The following GSN variants were observed in gnomAD, a reference collection of about 807,000 sequenced individuals.
The protein encoded by GSN is gelsolin.
In GSN, 56 loss-of-function variants were observed where a neutral mutation model predicts 85.7. The observed-to-expected ratio is 0.65, with a 90% CI of 0.53 to 0.82. GSN has a LOEUF of 0.82. Ranked by LOEUF, GSN falls within the 40% of genes least tolerant of loss-of-function variation. GSN has a pLI of 0.00. For missense variants in GSN, 857 were observed against 979.8 expected (o/e 0.87, Z 1.67); for synonymous variants, 373 against 399.1 (o/e 0.93, Z 0.78).
rs1190958934 is a variant in GSN, at chr9:121,329,141, G to A, written c.1888-97G>A. ...GCACAGAGGAAGGGGCCCCCTGCCA[G>A]CTGCAGCCAGCTGTGCCACTCCCTC... On this transcript the variant is annotated intron_variant, in intron 15 of 17. Transcript: ENST00000432226. This position sits in a 1 kb window ranked among gnomAD's most constrained non-coding sequence, Gnocchi z 4.6. 3 of 1,477,020 alleles carry A rather than the reference G, an allele frequency of 2.0e-6. No individual in the cohort carries two copies. The highest frequency in any genetic ancestry group is 1.7e-5 in the Admixed American group (1 of 58,430). The allele number at this position is 1,477,020 out of a possible 1,614,324, so 91.5% of individuals were successfully genotyped here. A position where few individuals can be genotyped will look rare whatever the true frequency, so the allele number is the denominator to read the frequency against.
intron 6 of GSN, among the ~76,000 whole-genome samples, chr9:121,255,571 C>T (rs2054937751): frequency 6.6e-6 from 1 of 152,176 alleles, no homozygotes; most frequent in African/African-American, 2.4e-5. Flanking sequence ...ATTTTTAACA[C>T]ATATGCTGAT....
rs140961686 is a variant in GSN at position 121,211,115 on chromosome 9, T to G, written c.-528+248T>G. ...TAGGATTCCACTTATATGAAGTACA[T>G]AGAATAGTCAAATACAGAGACACAG... On this transcript the variant is annotated intron_variant, in intron 4 of 24. Transcript: ENST00000373823. Among the ~76,000 whole-genome samples the G allele has an allele frequency of 3.8e-3, 584 of 152,292 alleles. 3 individuals are homozygous for G. The highest frequency in any genetic ancestry group is 0.013 in the African/African-American group (547 of 41,548).
intron 2 of GSN, chr9:121,281,924 G>A: frequency 2.1e-6 from 1 of 471,512 alleles, no homozygotes; most frequent in South Asian, 1.5e-5. Flanking sequence ...AAGAGGAGGT[G>A]CAGGAATTCT....
chr9:121,226,917 A>G (rs569633890), intron 4 of GSN, among the ~76,000 whole-genome samples: 2 of 152,212 alleles, frequency 1.3e-5, no homozygotes, highest in South Asian at 2.1e-4. Context: ...TGAAGGCTCT[A>G]TAAATATCCC....
chr9:121,328,868 A>G, intron 14 of GSN, 23 bp from the exon 15 acceptor site: 1 of 1,609,300 alleles, frequency 6.2e-7, no homozygotes, highest in Non-Finnish European at 8.5e-7. Flanking sequence ...TCCCTTGGCA[A>G]CTGGCGTGGC....
At position 121,228,405 on chromosome 9, in the gene GSN, T is replaced by C. The variant is rs188217735; in HGVS notation, c.-527-2760T>C. ...AAGTATAGAATCTCATTGATTAACA[T>C]ATATATATATATATATATATTTTTT... is the stretch of plus-strand genomic sequence containing the variant. On this transcript the variant is annotated intron_variant, in intron 4 of 24. Coordinates refer to the GSN transcript ENST00000373823. 3.8e-4 allele frequency among the ~76,000 whole-genome samples: 23 copies of C among 60,246 alleles called. 1 individual carries two copies. Among genetic ancestry groups the C allele is most frequent in the Non-Finnish European group, 5.7e-4 (19 of 33,244 alleles). The allele number at this position is 60,246 out of a possible 152,430, so 39.5% of individuals were successfully genotyped here.
In GSN at chr9:121,328,913, C is replaced by T. The variant is rs145066574; in HGVS notation, c.1785C>T (p.Gly595=). 3.8e-5 allele frequency: 62 copies of T among 1,612,424 alleles called. No homozygotes were observed. The highest frequency in any genetic ancestry group is 6.7e-5 in the African/African-American group (5 of 74,902). The change falls in exon 15 of 18, where the codon GGC becomes GGT. Residue 595 remains glycine, a synonymous_variant. Coordinates refer to ENST00000432226, the MANE Select transcript of GSN (RefSeq NM_198252.3). ...CAGATGGCTTCTGGGAGGCCCTGGGCGGGAAGGCTGCCTACCGCACATCCC... is the reference window on the plus strand; with the variant it reads ...CAGATGGCTTCTGGGAGGCCCTGGGTGGGAAGGCTGCCTACCGCACATCCC... ...SEPDGFWEAL[G]GKAAYRTSPR...
chr9:121,318,347 C>T lies in GSN; in HGVS notation c.887-59C>T. ...CTCCTTCTCCTGGACTGTTAAAGGT[C>T]AGGATGCAGCAGGATCCCGGGCCTC... On this transcript the variant is annotated intron_variant, in intron 8 of 17. Coordinates refer to ENST00000432226, the MANE Select transcript of GSN (RefSeq NM_198252.3). The surrounding 1 kb of genome is among the most constrained non-coding windows in gnomAD (Gnocchi z 4.3). 1 of 1,323,784 alleles carries T rather than the reference C, an allele frequency of 7.6e-7. No homozygotes were observed. Among genetic ancestry groups the T allele is most frequent in the East Asian group, 2.3e-5 (1 of 43,536 alleles). 82.0% of individuals were successfully genotyped at this position (1,323,784 alleles called of 1,614,324 possible).
chr9:121,299,997 G>C lies in GSN; in HGVS notation c.-9-1966G>C. The C allele has an allele frequency of 7.0e-7, 1 of 1,434,860 alleles. No homozygotes were observed. 88.9% of individuals were successfully genotyped at this position (1,434,860 alleles called of 1,614,324 possible). On this transcript the variant is annotated intron_variant, in intron 2 of 17. Coordinates refer to ENST00000432226, the MANE Select transcript of GSN (RefSeq NM_198252.3). This position sits in a 1 kb window ranked among gnomAD's most constrained non-coding sequence, Gnocchi z 4.2. ...GGGGGCGCCCCAGGGGCGGGTGCCC[G>C]AGGCGCGGGTGAGTGCCCGGGGGGC...
At chr9:121,284,470 C>G (rs753348562) in intron 2 of GSN, 7 of 167,080 alleles carry the variant, frequency 4.2e-5, no homozygotes, top group Non-Finnish European at 1.0e-4. Context: ...CACTCTAATC[C>G]AAGACGGAGA....
intron 5 of GSN, among the ~76,000 whole-genome samples, chr9:121,235,707 T>C (rs1476217627): frequency 6.6e-6 from 1 of 152,138 alleles, no homozygotes; most frequent in Admixed American, 6.5e-5. Flanking sequence ...AGCTTGCTGG[T>C]TATCTTAGAA....
At chr9:121,273,174 G>A (rs2056219316) in intron 1 of GSN, among the ~76,000 whole-genome samples, 1 of 152,196 alleles carries the variant, frequency 6.6e-6, no homozygotes, top group Admixed American at 6.5e-5. Context: ...TGAAGGGGTC[G>A]CACCAGTGGG....
At chr9:121,211,499 C>T (rs1588398990) in intron 4 of GSN, among the ~76,000 whole-genome samples, 1 of 152,256 alleles carries the variant, frequency 6.6e-6, no homozygotes, top group Non-Finnish European at 1.5e-5. Flanking sequence ...GCTGATACTG[C>T]TTATAAATAC....
rs766602997 is a variant in GSN, at chr9:121,314,001, G to T, written c.731G>T (p.Arg244Leu). ...EDTAKEDAAN[R>L]KLAKLYKVSN... ...ACCGCCAAGGAGGATGCGGCCAACC[G>T]CAAGCTGGCCAAGCTCTACAAGGTG... Residue 244 changes from arginine to leucine, a missense_variant, in exon 7 of 18, where the codon CGC (arginine) becomes CTC (leucine). Physicochemically the swap from Arg to Leu is moderately radical, Grantham distance 102. Coordinates refer to ENST00000432226, the MANE Select transcript of GSN (RefSeq NM_198252.3). The T allele has an allele frequency of 3.1e-6, 5 of 1,613,642 alleles. No homozygotes were observed. Among genetic ancestry groups the T allele is most frequent in the Non-Finnish European group, 4.2e-6 (5 of 1,179,660 alleles).
chr9:121,237,912 G>A (rs2054528346), intron 5 of GSN, among the ~76,000 whole-genome samples: 1 of 152,214 alleles, frequency 6.6e-6, no homozygotes, highest in South Asian at 2.1e-4. Context: ...GAAGACCCAG[G>A]TTTTCTGAAT....
At chr9:121,281,944 C>G in intron 2 of GSN, 1 of 471,642 alleles carries the variant, frequency 2.1e-6, no homozygotes. Context: ...TTCCCAGAGG[C>G]TTTGGAGAGG....
upstream of GSN, chr9:121,207,648 G>C (rs773723803): frequency 6.6e-6 from 1 of 152,168 alleles, no homozygotes; most frequent in African/African-American, 2.4e-5. Context: ...ACTGTATTTG[G>C]TGGAGGGAGT....
chr9:121,272,573 A>G (rs781107211), intron 1 of GSN, among the ~76,000 whole-genome samples: 2 of 152,178 alleles, frequency 1.3e-5, no homozygotes, highest in Non-Finnish European at 2.9e-5. Flanking sequence ...CTTGAATTTA[A>G]TCTTTTCGGA....
rs3810943 is a variant in GSN at position 121,282,787 on chromosome 9, T to C, written c.-10+1225T>C. ...AACTCCAAAAGCCAAGTTGCCTCAA[T>C]GTAATCTGTCAACAAAAAGAATGTT... is the stretch of plus-strand genomic sequence containing the variant. On this transcript the variant is annotated intron_variant, in intron 2 of 17. Transcript: ENST00000432226. 78 of 395,708 alleles carry C rather than the reference T, an allele frequency of 2.0e-4. No homozygotes were observed. In the East Asian group the frequency reaches 2.9e-3, roughly 15 times the overall value. 24.5% of individuals were successfully genotyped at this position (395,708 alleles called of 1,614,324 possible).
Sources: gnomAD v4.1 joint callset for allele counts (sites outside exome capture counted in the v4.1 genomes callset) on GRCh38, gnomAD v4.1.1 for gene constraint, Gnocchi (gnomAD v3.1) non-coding constraint, MANE v1.5 for transcripts, NCBI Gene and HGNC (gene_info 2026-07-23, HGNC 2026-07-21) for gene names.